The following UNC5C variants were observed in gnomAD, a reference collection of about 807,000 sequenced individuals.
UNC5C encodes netrin receptor UNC5C.
Under a neutral mutation model 99.8 loss-of-function variants are expected in UNC5C, and 47 were observed. That is an observed-to-expected ratio of 0.47 (90% CI 0.37 to 0.60). The LOEUF (loss-of-function observed/expected upper bound fraction) is 0.60. Ranked by LOEUF, UNC5C falls within the 20% of genes least tolerant of loss-of-function variation. The pLI is 0.00. For synonymous variants in UNC5C, 487 were observed against 452.2 expected (o/e 1.08, Z -0.98); for missense variants, 1,062 against 1,165.9 (o/e 0.91, Z 1.30).
intron 1 of UNC5C, among the ~76,000 whole-genome samples, chr4:95,379,832 G>T (rs1257075569): frequency 1.3e-5 from 2 of 152,122 alleles, no homozygotes; most frequent in Non-Finnish European, 2.9e-5. Context: ...GCTAAGATAC[G>T]GAGGTGACAA....
Position 95,335,392 on chromosome 4 carries a change from A to G in UNC5C, c.346+18T>C, listed in dbSNP as rs1312559104. On this transcript the variant is annotated intron_variant, in intron 2 of 15. Transcript: ENST00000453304. The stretch of plus-strand genomic sequence containing the variant: ...AAGTGAATCTTGAAGTGCAATGCAA[A>G]TGCAATGGAAAACTCACCGGAAGTT... 6.2e-7 allele frequency: 1 copy of G among 1,601,586 alleles called. No homozygotes were observed. Among genetic ancestry groups the G allele is most frequent in the Non-Finnish European group, 8.5e-7 (1 of 1,170,426 alleles).
chr4:95,214,603 A>G (rs1738184234), intron 10 of UNC5C, among the ~76,000 whole-genome samples: 1 of 152,272 alleles, frequency 6.6e-6, no homozygotes, highest in African/African-American at 2.4e-5. Flanking sequence ...CCGTGCCTGC[A>G]GCAGCCCCTT....
intron 3 of UNC5C, among the ~76,000 whole-genome samples, chr4:95,296,741 C>T (rs908645282): frequency 6.6e-6 from 1 of 152,158 alleles, no homozygotes; most frequent in Non-Finnish European, 1.5e-5. Flanking sequence ...AGCTTTCTTT[C>T]CTTGTGCCTC....
intron 1 of UNC5C, among the ~76,000 whole-genome samples, chr4:95,497,144 G>A (rs1219340501): frequency 6.6e-6 from 1 of 151,900 alleles, no homozygotes; most frequent in Non-Finnish European, 1.5e-5. Flanking sequence ...AAACATGCGT[G>A]TGCATGTGTC....
intron 1 of UNC5C, among the ~76,000 whole-genome samples, chr4:95,389,663 A>G (rs1023568369): frequency 2.6e-5 from 4 of 152,064 alleles, no homozygotes; most frequent in African/African-American, 9.7e-5. Flanking sequence ...GGGTATGTAA[A>G]TTTACTTTTT....
At chr4:95,362,259 G>T (rs187383715) in intron 1 of UNC5C, among the ~76,000 whole-genome samples, 2 of 152,146 alleles carry the variant, frequency 1.3e-5, no homozygotes, top group African/African-American at 4.8e-5. Context: ...CCTGCCCATC[G>T]GAGCGTTCCA....
intron 1 of UNC5C, among the ~76,000 whole-genome samples, chr4:95,533,249 A>T (rs929462497): frequency 1.3e-5 from 2 of 151,992 alleles, no homozygotes; most frequent in East Asian, 3.9e-4. Context: ...TACAAAAAAA[A>T]TTAGCTGGGC....
At chr4:95,438,932 A>G (rs1299949750) in intron 1 of UNC5C, among the ~76,000 whole-genome samples, 2 of 152,166 alleles carry the variant, frequency 1.3e-5, no homozygotes, top group Non-Finnish European at 2.9e-5. Flanking sequence ...ATCATTGAGG[A>G]AACCCATCAA....
At chr4:95,404,986 C>G (rs554908709) in intron 1 of UNC5C, among the ~76,000 whole-genome samples, 2 of 152,256 alleles carry the variant, frequency 1.3e-5, no homozygotes, top group South Asian at 4.1e-4. Flanking sequence ...CCACTCCATG[C>G]CCCCCTTCCA....
At position 95,166,203 on chromosome 4, in the gene UNC5C, G is replaced by A. The variant is rs936232877; in HGVS notation, c.*3031C>T. The A allele has an allele frequency of 6.6e-6, 1 of 152,154 alleles. No homozygotes were observed. The highest frequency in any genetic ancestry group is 2.4e-5 in the African/African-American group (1 of 41,438). The allele number at this position is 152,154 out of a possible 1,614,324, so 9.4% of individuals were successfully genotyped here. On this transcript the variant is annotated 3_prime_UTR_variant, in exon 16 of 16. Transcript: ENST00000453304. Reference sequence around the variant, plus strand: ...TCTCCAGCGGTGTAGAAAGAAGCAGGATGTATCACATAGAATGGTTGATGA... The same window carrying A: ...TCTCCAGCGGTGTAGAAAGAAGCAGAATGTATCACATAGAATGGTTGATGA...
intron 1 of UNC5C, among the ~76,000 whole-genome samples, chr4:95,405,763 CCA>C: frequency 6.6e-6 from 1 of 152,068 alleles, no homozygotes; most frequent in Non-Finnish European, 1.5e-5. Context: ...CCTGAACTTC[CCA>C]CACGTTAGCT....
intron 1 of UNC5C, among the ~76,000 whole-genome samples, chr4:95,531,010 A>G (rs1339530216): frequency 6.6e-6 from 1 of 152,226 alleles, no homozygotes; most frequent in Non-Finnish European, 1.5e-5. Context: ...ACCTTTTAAT[A>G]ACCGGAAAGT....
chr4:95,276,450 A>G (rs369891731), intron 4 of UNC5C, among the ~76,000 whole-genome samples: 11 of 152,226 alleles, frequency 7.2e-5, no homozygotes, highest in African/African-American at 2.4e-4. Context: ...AAAGTGAACT[A>G]CTTTGTCAAG....
intron 4 of UNC5C, among the ~76,000 whole-genome samples, chr4:95,255,252 T>C (rs1739919356): frequency 6.6e-6 from 1 of 152,158 alleles, no homozygotes; most frequent in Non-Finnish European, 1.5e-5. Context: ...AGTGCTGGGA[T>C]TACAGGTGTG....
At chr4:95,390,026 G>A (rs1745312097) in intron 1 of UNC5C, among the ~76,000 whole-genome samples, 1 of 152,052 alleles carries the variant, frequency 6.6e-6, no homozygotes, top group African/African-American at 2.4e-5. Context: ...TGAAAATAGT[G>A]TAATAGTATG....
In UNC5C at chr4:95,360,865, G is replaced by C. The variant is rs538240157; in HGVS notation, c.125-25234C>G. 5.3e-5 allele frequency among the ~76,000 whole-genome samples: 8 copies of C among 152,288 alleles called. No homozygotes were observed. The East Asian group carries it at 1.5e-3, about 29-fold the overall frequency. ...TAAAGGAGGCAAATGATTTGTGAAA[G>C]AAAGTAATTACAAGGTTTTCTCATG... On this transcript the variant is annotated intron_variant, in intron 1 of 15. Coordinates refer to ENST00000453304, the MANE Select transcript of UNC5C (RefSeq NM_003728.4).
intron 3 of UNC5C, among the ~76,000 whole-genome samples, chr4:95,278,766 C>T (rs1740952011): frequency 6.6e-6 from 1 of 152,118 alleles, no homozygotes; most frequent in African/African-American, 2.4e-5. Flanking sequence ...AGGTGTGAGC[C>T]ATGGTGCCTG....
At chr4:95,340,319 T>C (rs1235623655) in intron 1 of UNC5C, among the ~76,000 whole-genome samples, 1 of 152,166 alleles carries the variant, frequency 6.6e-6, no homozygotes, top group Non-Finnish European at 1.5e-5. Flanking sequence ...GTCTGAGACT[T>C]GAAGCATACT....
At chr4:95,316,605 A>G (rs1320490214) in intron 2 of UNC5C, among the ~76,000 whole-genome samples, 1 of 152,228 alleles carries the variant, frequency 6.6e-6, no homozygotes, top group Non-Finnish European at 1.5e-5. Context: ...GTAATAATGC[A>G]CAGGGAAATA....
Sources: allele counts gnomAD v4.1 joint callset (sites outside exome capture counted in the v4.1 genomes callset), GRCh38; gene constraint gnomAD v4.1.1; transcripts MANE v1.5; gene names NCBI Gene and HGNC (gene_info 2026-07-23, HGNC 2026-07-21).